RASGEF1C: variants seen among roughly 807,000 people sequenced by gnomAD.
The protein encoded by RASGEF1C is RasGEF domain family member 1C.
Under a neutral mutation model 58.1 loss-of-function variants are expected in RASGEF1C, and 27 were observed. That is an observed-to-expected ratio of 0.46 (90% CI 0.34 to 0.64). RASGEF1C has a LOEUF of 0.64. Among genes scored for constraint, RASGEF1C ranks in the 30% least tolerant of loss-of-function variants. RASGEF1C has a pLI of 0.01. For synonymous variants in RASGEF1C, 243 were observed against 246.3 expected (o/e 0.99, Z 0.13); for missense variants, 502 against 605.1 (o/e 0.83, Z 1.79).
At position 180,197,722 on chromosome 5, in the gene RASGEF1C, T is replaced by C. The variant is rs955559998; in HGVS notation, c.-7+11306A>G. Among the ~76,000 whole-genome samples the C allele has an allele frequency of 6.6e-6, 1 of 152,250 alleles. No individual in the cohort carries two copies. ...GCCACAGGGACTCAGCCAATGGCACTGTGCAGGTGCTTAAACCGTCACAGA... is the reference window on the plus strand; with the variant it reads ...GCCACAGGGACTCAGCCAATGGCACCGTGCAGGTGCTTAAACCGTCACAGA... On this transcript the variant is annotated intron_variant, in intron 1 of 13. Coordinates refer to ENST00000361132, the MANE Select transcript of RASGEF1C (RefSeq NM_175062.4). The surrounding 1 kb of genome is among the most constrained non-coding windows in gnomAD (Gnocchi z 4.7).
chr5:180,199,924 A>G (rs1245874739), intron 1 of RASGEF1C, among the ~76,000 whole-genome samples: 2 of 152,070 alleles, frequency 1.3e-5, no homozygotes, highest in Non-Finnish European at 2.9e-5. Flanking sequence ...CCTGTAGCTT[A>G]CTCTTAAATG....
chr5:180,111,341 C>A, intron 12 of RASGEF1C, 116 bp downstream of exon 12: 1 of 1,400,272 alleles, frequency 7.1e-7, no homozygotes. Context: ...CGGAGCCAGC[C>A]CAGGTGGGCA....
chr5:180,145,071 T>TC (rs1379525403), intron 1 of RASGEF1C, among the ~76,000 whole-genome samples: 1 of 152,196 alleles, frequency 6.6e-6, no homozygotes, highest in South Asian at 2.1e-4. Flanking sequence ...GGGGGTTGTT[T>TC]CCCCCTTTAC....
In RASGEF1C at chr5:180,119,452, G is replaced by A; in HGVS notation, c.805-4C>T. 1 of 1,613,256 alleles carries A rather than the reference G, an allele frequency of 6.2e-7. No individual in the cohort carries two copies. The highest frequency in any genetic ancestry group is 8.5e-7 in the Non-Finnish European group (1 of 1,179,292). On this transcript the variant is annotated splice_region_variant and splice_polypyrimidine_tract_variant and intron_variant, in intron 7 of 13. Coordinates refer to ENST00000361132, the MANE Select transcript of RASGEF1C (RefSeq NM_175062.4). Reference sequence around the variant, plus strand: ...CCCTCTGCTTCTTCTTGGCTGGCTGGGGACAGGGCAGCAGAGCCTCAGTGG... The same window carrying A: ...CCCTCTGCTTCTTCTTGGCTGGCTGAGGACAGGGCAGCAGAGCCTCAGTGG...
chr5:180,188,282 A>C (rs1458065999), intron 1 of RASGEF1C, among the ~76,000 whole-genome samples: 1 of 152,246 alleles, frequency 6.6e-6, no homozygotes, highest in Admixed American at 6.5e-5. Flanking sequence ...GAATAGGTAC[A>C]TACACAGGGA....
chr5:180,200,234 C>T (rs1259525654), intron 1 of RASGEF1C, among the ~76,000 whole-genome samples: 6 of 150,978 alleles, frequency 4.0e-5, no homozygotes, highest in Non-Finnish European at 8.8e-5. Flanking sequence ...CCACTGCATT[C>T]CAGCCTGGGC....
intron 1 of RASGEF1C, among the ~76,000 whole-genome samples, chr5:180,163,186 T>C (rs1766969469): frequency 6.7e-6 from 1 of 149,070 alleles, no homozygotes; most frequent in African/African-American, 2.4e-5. Context: ...GTTTTAGTTC[T>C]TGCCTTCCAA....
chr5:180,103,278 C>G (rs111268824), intron 12 of RASGEF1C, among the ~76,000 whole-genome samples: 1 of 152,242 alleles, frequency 6.6e-6, no homozygotes, highest in East Asian at 1.9e-4. Context: ...GGGGTTTCAC[C>G]GTGTTAGCCA....
chr5:180,149,435 T>G (rs62406063), intron 1 of RASGEF1C, among the ~76,000 whole-genome samples: 20,903 of 151,242 alleles, frequency 0.14, 1,676 homozygotes, highest in Middle Eastern at 0.19. Flanking sequence ...ATAATCTTAC[T>G]GAGGATCAGT....
At chr5:180,142,263 G>C (rs1180406118) in intron 1 of RASGEF1C, among the ~76,000 whole-genome samples, 1 of 152,090 alleles carries the variant, frequency 6.6e-6, no homozygotes, top group Non-Finnish European at 1.5e-5. Context: ...GCTCCCGTGG[G>C]GTTCCGCTTC....
At chr5:180,147,045 G>A (rs1162353009) in intron 1 of RASGEF1C, among the ~76,000 whole-genome samples, 2 of 151,808 alleles carry the variant, frequency 1.3e-5, no homozygotes, top group Non-Finnish European at 2.9e-5. Flanking sequence ...CAGTTTCTAG[G>A]AATTTCATCT....
intron 1 of RASGEF1C, among the ~76,000 whole-genome samples, chr5:180,200,840 C>T (rs1392317036): frequency 1.3e-5 from 2 of 152,090 alleles, no homozygotes; most frequent in South Asian, 2.1e-4. Context: ...CCTTCAGAAC[C>T]GGCTCCAGGG....
chr5:180,191,149 G>A (rs147633807), intron 1 of RASGEF1C, among the ~76,000 whole-genome samples: 12 of 152,284 alleles, frequency 7.9e-5, no homozygotes, highest in South Asian at 2.1e-4. Context: ...ACCAGATGCC[G>A]CATGGATAGA....
intron 1 of RASGEF1C, among the ~76,000 whole-genome samples, chr5:180,173,744 C>A (rs1187347625): frequency 6.6e-6 from 1 of 152,052 alleles, no homozygotes; most frequent in African/African-American, 2.4e-5. Context: ...GAAACCCCGT[C>A]TCTACTAAAA....
At chr5:180,128,186 GC>G (rs1475594332) in intron 5 of RASGEF1C, among the ~76,000 whole-genome samples, 1 of 152,196 alleles carries the variant, frequency 6.6e-6, no homozygotes, top group Non-Finnish European at 1.5e-5. Flanking sequence ...CAGGGAGGTC[GC>G]CATCAACCCT....
chr5:180,175,943 A>C (rs1162008705), intron 1 of RASGEF1C, among the ~76,000 whole-genome samples: 1 of 152,204 alleles, frequency 6.6e-6, no homozygotes, highest in Non-Finnish European at 1.5e-5. Flanking sequence ...AGCGGAGATC[A>C]CGCCACTGCA....
chr5:180,180,279 C>T (rs1033131684), intron 1 of RASGEF1C, among the ~76,000 whole-genome samples: 2 of 152,236 alleles, frequency 1.3e-5, no homozygotes, highest in African/African-American at 2.4e-5. Context: ...CAGCTGTGCA[C>T]ATGCAGGCTG....
At chr5:180,116,354 C>T (rs897368157) in intron 10 of RASGEF1C, among the ~76,000 whole-genome samples, 1 of 148,460 alleles carries the variant, frequency 6.7e-6, no homozygotes, top group Non-Finnish European at 1.5e-5. Flanking sequence ...GCGTAAAGTG[C>T]TACGACCACC....
intron 1 of RASGEF1C, among the ~76,000 whole-genome samples, chr5:180,181,101 G>T (rs1460600336): frequency 6.6e-6 from 1 of 152,214 alleles, no homozygotes; most frequent in Non-Finnish European, 1.5e-5. Context: ...CGTGGCTGCG[G>T]ACTACTAGCC....
Sources: allele counts gnomAD v4.1 joint callset (sites outside exome capture counted in the v4.1 genomes callset), GRCh38; gene constraint gnomAD v4.1.1; non-coding constraint Gnocchi (gnomAD v3.1); transcripts MANE v1.5; gene names NCBI Gene and HGNC (gene_info 2026-07-23, HGNC 2026-07-21).